Variants in AHI1 observed in about 807,000 individuals in gnomAD.
The protein encoded by AHI1 is Abelson helper integration site 1, also known as jouberin.
In AHI1, 123 loss-of-function variants were observed where a neutral mutation model predicts 149.3. That is an observed-to-expected ratio of 0.82 (90% CI 0.71 to 0.96). The LOEUF is 0.96. Among genes scored for constraint, AHI1 ranks in the 40% least tolerant of loss-of-function variants. The probability of loss-of-function intolerance (pLI) is 0.00; values close to 1 mark genes in which losing one functional copy is unlikely to be tolerated. For missense variants in AHI1, 1,439 were observed against 1,422.7 expected (o/e 1.01, Z -0.18); for synonymous variants, 475 against 459.8 (o/e 1.03, Z -0.42).
intron 26 of AHI1, among the ~76,000 whole-genome samples, chr6:135,305,565 G>A (rs1263567845): frequency 6.6e-6 from 1 of 152,108 alleles, no homozygotes; most frequent in Non-Finnish European, 1.5e-5. Flanking sequence ...TCCTTCACAT[G>A]GATTTAGTCA....
intron 22 of AHI1, 116 bp from the exon 23 acceptor site, chr6:135,395,012 G>A: frequency 2.0e-6 from 2 of 1,001,370 alleles, no homozygotes; most frequent in Non-Finnish European, 2.9e-6. Context: ...AGGTCAAAAG[G>A]AGTGGTAATG....
chr6:135,448,231 A>C, intron 12 of AHI1, 59 bp downstream of exon 12: 1 of 1,206,468 alleles, frequency 8.3e-7, no homozygotes, highest in Non-Finnish European at 1.1e-6. Context: ...AAAACATGCT[A>C]TGTCACCATT....
chr6:135,432,634 G>A (rs1043084915), intron 16 of AHI1, among the ~76,000 whole-genome samples: 2 of 152,102 alleles, frequency 1.3e-5, no homozygotes, highest in East Asian at 1.9e-4. Flanking sequence ...TTACAGGCAC[G>A]AACCACCGCG....
chr6:135,470,355 A>C (rs553751378), intron 5 of AHI1, among the ~76,000 whole-genome samples: 1 of 152,356 alleles, frequency 6.6e-6, no homozygotes, highest in Non-Finnish European at 1.5e-5. Flanking sequence ...GAAAGCTTTT[A>C]CACTGTTGAT....
rs950281680 is a variant in AHI1, at chr6:135,285,502, A to G, written c.*143T>C. On this transcript the variant is annotated 3_prime_UTR_variant, in exon 29 of 29. Transcript: ENST00000265602. ...CCCACAACTTGATTCTGATTTTTCT[A>G]GAGTCATTCATAAGAACAAGAAGTA... 1.2e-6 allele frequency: 1 copy of G among 864,592 alleles called. No individual in the cohort carries two copies. The highest frequency in any genetic ancestry group is 1.8e-6 in the Non-Finnish European group (1 of 541,778). 53.6% of individuals were successfully genotyped at this position (864,592 alleles called of 1,614,324 possible).
chr6:135,410,312 G>C (rs1781403822), intron 21 of AHI1, among the ~76,000 whole-genome samples: 1 of 152,214 alleles, frequency 6.6e-6, no homozygotes, highest in African/African-American at 2.4e-5. Context: ...CGAGACTGCA[G>C]TGAGCAATGA....
chr6:135,334,963 T>C (rs1454788996), intron 24 of AHI1, among the ~76,000 whole-genome samples: 1 of 152,258 alleles, frequency 6.6e-6, no homozygotes, highest in Non-Finnish European at 1.5e-5. Context: ...GCAATTCTGA[T>C]GTACCTAACG....
At chr6:135,444,635 T>A (rs917519689) in intron 13 of AHI1, among the ~76,000 whole-genome samples, 8 of 152,262 alleles carry the variant, frequency 5.3e-5, no homozygotes, top group African/African-American at 1.9e-4. Flanking sequence ...CAAATGTTTT[T>A]AGTTTCGAGA....
At chr6:135,482,998 T>A (rs1323256138) in intron 5 of AHI1, among the ~76,000 whole-genome samples, 1 of 145,434 alleles carries the variant, frequency 6.9e-6, no homozygotes, top group Non-Finnish European at 1.5e-5. Context: ...TTCAAGTAAT[T>A]CTCCTGCCTC....
chr6:135,457,664 T>G lies in AHI1; in HGVS notation c.981A>C (p.Thr327=). 6.2e-7 allele frequency: 1 copy of G among 1,613,916 alleles called. No individual in the cohort carries two copies. The highest frequency in any genetic ancestry group is 8.5e-7 in the Non-Finnish European group (1 of 1,179,848). The change falls in exon 9 of 29, where the codon ACA becomes ACC. Residue 327 remains threonine, a synonymous_variant. Coordinates refer to ENST00000265602, the MANE Select transcript of AHI1 (RefSeq NM_001134831.2). ...DVDGDGVHEI[T]SRDSPVYPKC... ...TGGGATAAACCGGGCTATCTCGGCT[T>G]GTTATTTCATGAACACCATCACCAT...
chr6:135,467,449 G>T, intron 6 of AHI1, 132 bp downstream of exon 6: 1 of 704,214 alleles, frequency 1.4e-6, no homozygotes. Flanking sequence ...AATTCTGAAT[G>T]ATAAAAATAA....
intron 26 of AHI1, among the ~76,000 whole-genome samples, chr6:135,304,329 G>A (rs1473194600): frequency 6.6e-6 from 1 of 152,124 alleles, no homozygotes; most frequent in Non-Finnish European, 1.5e-5. Context: ...CTAGAATTAT[G>A]GGCATGAGCC....
intron 26 of AHI1, 103 bp downstream of exon 26, chr6:135,318,416 G>A (rs908825818): frequency 2.3e-5 from 18 of 780,924 alleles, no homozygotes; most frequent in Non-Finnish European, 2.9e-5. Flanking sequence ...AAAAAATAAT[G>A]TGAACAATGA....
chr6:135,400,361 A>T (rs935749543), intron 22 of AHI1, among the ~76,000 whole-genome samples: 2 of 152,210 alleles, frequency 1.3e-5, no homozygotes, highest in South Asian at 2.1e-4. Context: ...TACAATATAC[A>T]TTACCACTTT....
intron 23 of AHI1, among the ~76,000 whole-genome samples, chr6:135,368,920 G>C (rs1375347763): frequency 6.6e-6 from 1 of 152,186 alleles, no homozygotes; most frequent in Non-Finnish European, 1.5e-5. Flanking sequence ...TCCCTCCTTT[G>C]GATTCTGTCC....
intron 26 of AHI1, among the ~76,000 whole-genome samples, chr6:135,313,123 A>G (rs1260361900): frequency 6.6e-6 from 1 of 152,204 alleles, no homozygotes; most frequent in African/African-American, 2.4e-5. Context: ...TCCATGACTC[A>G]GAGTGCACTC....
At chr6:135,364,096 G>A (rs1227468781) in intron 23 of AHI1, among the ~76,000 whole-genome samples, 2 of 151,228 alleles carry the variant, frequency 1.3e-5, no homozygotes, top group African/African-American at 2.4e-5. Flanking sequence ...CCTCCCGGAC[G>A]AGGTGGCTGC....
At position 135,483,371 on chromosome 6, in the gene AHI1, A is replaced by C. The variant is rs149494427; in HGVS notation, c.135+7252T>G. ...ACCTAGGAAACCATGAAGATTTTCT[A>C]CCCTTTTAAAATCAATTCACTGCAC... is the stretch of plus-strand genomic sequence containing the variant. On this transcript the variant is annotated intron_variant, in intron 5 of 28. Coordinates refer to ENST00000265602, the MANE Select transcript of AHI1 (RefSeq NM_001134831.2). Among the ~76,000 whole-genome samples, 495 of 152,272 alleles carry C rather than the reference A, an allele frequency of 3.3e-3. 3 individuals carry two copies. The highest frequency in any genetic ancestry group is 0.011 in the African/African-American group (455 of 41,554).
At chr6:135,350,633 A>G (rs965053229) in intron 24 of AHI1, among the ~76,000 whole-genome samples, 2 of 152,192 alleles carry the variant, frequency 1.3e-5, no homozygotes, top group Non-Finnish European at 2.9e-5. Context: ...AAGTGTAATA[A>G]TAAAGACTAA....
Sources: gnomAD v4.1 joint callset for allele counts (sites outside exome capture counted in the v4.1 genomes callset) on GRCh38, gnomAD v4.1.1 for gene constraint, MANE v1.5 for transcripts, NCBI Gene and HGNC (gene_info 2026-07-23, HGNC 2026-07-21) for gene names.